CAST: variants seen among roughly 807,000 people sequenced by gnomAD.
CAST encodes the protein calpastatin, also known as MIR583 host.
In CAST, 76 loss-of-function variants were observed where a neutral mutation model predicts 119.6. The ratio of observed to expected loss-of-function variants is 0.64; its 90% CI spans 0.53 to 0.77. The LOEUF is 0.77. Ranked by LOEUF, CAST falls within the 30% of genes least tolerant of loss-of-function variation. The pLI is 0.00. For missense variants in CAST, 953 were observed against 946.5 expected (o/e 1.01, Z -0.09); for synonymous variants, 319 against 331.6 (o/e 0.96, Z 0.41).
chr5:96,064,064 G>T, the CAST span, among the ~76,000 whole-genome samples: 5 of 152,046 alleles, frequency 3.3e-5, no homozygotes, highest in Non-Finnish European at 7.4e-5. Flanking sequence ...TGGAGACAGG[G>T]GAATAATTTA....
Position 96,737,964 on chromosome 5 carries a change from T to G in CAST, c.798+17T>G. On this transcript the variant is annotated intron_variant, in intron 11 of 31. Transcript: ENST00000675179. ...GAAGTTTCAGTATGTGATCATGATA[T>G]CTGTAAAAATTCATACTCAGTGGGT... The G allele has an allele frequency of 7.1e-7, 1 of 1,403,490 alleles. No homozygotes were observed. Among genetic ancestry groups the G allele is most frequent in the Non-Finnish European group, 1.0e-6 (1 of 990,556 alleles). 86.9% of individuals were successfully genotyped at this position (1,403,490 alleles called of 1,614,324 possible).
the CAST span, among the ~76,000 whole-genome samples, chr5:96,446,689 A>G: frequency 5.8e-4 from 88 of 152,352 alleles, 1 homozygote; most frequent in African/African-American, 2.0e-3. Context: ...GTTTCTTTTG[A>G]GCAGCAAGAA....
the CAST span, among the ~76,000 whole-genome samples, chr5:96,030,508 A>G: frequency 6.6e-6 from 1 of 152,182 alleles, no homozygotes; most frequent in South Asian, 2.1e-4. Context: ...AATGACTGGT[A>G]GGGATAGGCT....
chr5:96,331,844 G>A, the CAST span, among the ~76,000 whole-genome samples: 1 of 152,172 alleles, frequency 6.6e-6, no homozygotes, highest in African/African-American at 2.4e-5. Context: ...TGTCTAACTG[G>A]TTTTGCTTTT....
the CAST span, among the ~76,000 whole-genome samples, chr5:96,361,825 T>TTG: frequency 7.4e-6 from 1 of 134,702 alleles, no homozygotes; most frequent in African/African-American, 2.8e-5. Context: ...TTTTTTTTTT[T>TTG]GCTTCTTTTC....
chr5:96,450,547 A>G, the CAST span, among the ~76,000 whole-genome samples: 1 of 152,224 alleles, frequency 6.6e-6, no homozygotes, highest in Non-Finnish European at 1.5e-5. Flanking sequence ...ACCAGGCAAT[A>G]TATCTATGTA....
the CAST span, among the ~76,000 whole-genome samples, chr5:96,076,314 C>T: frequency 1.3e-5 from 2 of 152,188 alleles, no homozygotes; most frequent in African/African-American, 4.8e-5. Flanking sequence ...CTCTAAACAA[C>T]ATATGATGAA....
At position 96,675,526 on chromosome 5, in the gene CAST, TA is replaced by T. The variant is rs752910556; in HGVS notation, c.76-12del. ...TCTTCCTTTATTAAGCATTATTTTT[TA>T]CTTTTTTATAGCATGTCAGTGAAAA... On this transcript the variant is annotated splice_polypyrimidine_tract_variant and intron_variant, in intron 1 of 31. Coordinates refer to ENST00000675179, the MANE Select transcript of CAST (RefSeq NM_001750.7). 9 of 1,593,412 alleles carry T rather than the reference TA, an allele frequency of 5.6e-6. No homozygotes were observed. The highest frequency in any genetic ancestry group is 2.2e-5 in the East Asian group (1 of 44,782).
the CAST span, among the ~76,000 whole-genome samples, chr5:96,097,641 TC>T: frequency 6.6e-6 from 1 of 152,216 alleles, no homozygotes; most frequent in Non-Finnish European, 1.5e-5. Flanking sequence ...TCCATCCATG[TC>T]CCTGCACAGG....
intron 1 of CAST, among the ~76,000 whole-genome samples, chr5:96,553,362 C>A (rs1261826032): frequency 1.3e-5 from 2 of 152,188 alleles, no homozygotes; most frequent in Admixed American, 6.5e-5. Context: ...AATTCAACAG[C>A]CTTTCATGCT....
At chr5:96,648,452 T>C (rs1204678269) in intron 1 of CAST, among the ~76,000 whole-genome samples, 2 of 149,856 alleles carry the variant, frequency 1.3e-5, no homozygotes, top group East Asian at 1.9e-4. Context: ...TGAATTAATA[T>C]ATCTGTATAT....
the CAST span, among the ~76,000 whole-genome samples, chr5:96,204,365 TGAGG>T: frequency 6.6e-6 from 1 of 152,078 alleles, no homozygotes; most frequent in African/African-American, 2.4e-5. Flanking sequence ...ATGACCTTTG[TGAGG>T]TGTCTACACT....
At chr5:95,992,646 A>G in the CAST span, among the ~76,000 whole-genome samples, 1 of 152,190 alleles carries the variant, frequency 6.6e-6, no homozygotes, top group African/African-American at 2.4e-5. Flanking sequence ...GAAGACATTC[A>G]TGGAAAACTG....
At chr5:96,292,768 C>T in the CAST span, among the ~76,000 whole-genome samples, 4 of 152,094 alleles carry the variant, frequency 2.6e-5, no homozygotes, top group African/African-American at 7.2e-5. Flanking sequence ...CAAGGATGAC[C>T]CAAACACTGT....
chr5:96,608,996 G>C (rs1324842536), intron 1 of CAST, among the ~76,000 whole-genome samples: 1 of 152,160 alleles, frequency 6.6e-6, no homozygotes, highest in Non-Finnish European at 1.5e-5. Context: ...CGTGAGATTT[G>C]AGCAGGGACA....
the CAST span, chr5:96,399,815 AC>A: frequency 2.9e-6 from 2 of 699,602 alleles, no homozygotes; most frequent in South Asian, 3.3e-5. Context: ...CCCCATGGAT[AC>A]CCACAGAGAA....
the CAST span, among the ~76,000 whole-genome samples, chr5:96,436,724 C>T: frequency 2.6e-5 from 4 of 152,114 alleles, no homozygotes; most frequent in East Asian, 7.7e-4. Context: ...GGAAAATACA[C>T]ACACCTTTTA....
chr5:96,238,554 A>ATTTTTTTT, the CAST span, among the ~76,000 whole-genome samples: 2 of 136,246 alleles, frequency 1.5e-5, no homozygotes, highest in Non-Finnish European at 1.6e-5. Flanking sequence ...CACCTGGCTA[A>ATTTTTTTT]TTTTTTTTTT....
chr5:95,976,587 C>T, the CAST span, among the ~76,000 whole-genome samples: 8 of 152,094 alleles, frequency 5.3e-5, no homozygotes, highest in Non-Finnish European at 1.5e-5. Context: ...AGAGCATACA[C>T]TCCTATCTCT....
Sources: gnomAD v4.1 joint callset for allele counts (sites outside exome capture counted in the v4.1 genomes callset) on GRCh38, gnomAD v4.1.1 for gene constraint, MANE v1.5 for transcripts, NCBI Gene and HGNC (gene_info 2026-07-23, HGNC 2026-07-21) for gene names.